WRN: variants seen among roughly 807,000 people sequenced by gnomAD.
WRN encodes WRN RecQ like helicase.
WRN carries 149 observed loss-of-function variants against 180.7 expected under a neutral mutation model. The observed-to-expected ratio is 0.82, with a 90% CI of 0.72 to 0.94. The LOEUF is 0.94. Among genes scored for constraint, WRN ranks in the 40% least tolerant of loss-of-function variants. The pLI is 0.00. For synonymous variants in WRN, 548 were observed against 568.9 expected, an observed-to-expected ratio of 0.96 and a Z score of 0.52; for missense variants, 1,661 against 1,700.1, an observed-to-expected ratio of 0.98 and a Z score of 0.40.
intron 23 of WRN, among the ~76,000 whole-genome samples, chr8:31,127,899 C>T (rs1331802074): frequency 6.6e-6 from 1 of 151,992 alleles, no homozygotes; most frequent in East Asian, 1.9e-4. Context: ...CACTACACTC[C>T]AGGCTGGGCA....
At chr8:31,150,569 C>A in intron 31 of WRN, 114 bp downstream of exon 31, 1 of 844,212 alleles carries the variant, frequency 1.2e-6, no homozygotes, top group Non-Finnish European at 2.0e-6. Flanking sequence ...CCATACTGGA[C>A]ACTTAGAAAA....
intron 7 of WRN, among the ~76,000 whole-genome samples, chr8:31,069,901 T>TA (rs1207307153): frequency 6.6e-6 from 1 of 152,182 alleles, no homozygotes; most frequent in African/African-American, 2.4e-5. Context: ...ACAATTTTGT[T>TA]ACATGTGCAA....
intron 1 of WRN, among the ~76,000 whole-genome samples, 155 bp downstream of exon 1, chr8:31,034,128 T>C (rs1811350079): frequency 6.6e-6 from 1 of 152,166 alleles, no homozygotes; most frequent in African/African-American, 2.4e-5. Flanking sequence ...TCCCTTTTCC[T>C]TTCCCCTCTG....
intron 19 of WRN, among the ~76,000 whole-genome samples, chr8:31,115,142 C>T (rs536855572): frequency 6.6e-5 from 10 of 152,218 alleles, no homozygotes; most frequent in Admixed American, 2.0e-4. Flanking sequence ...GTAATCCGCC[C>T]GCCTTGGCAT....
At chr8:31,158,910 T>G (rs544639157) in intron 33 of WRN, among the ~76,000 whole-genome samples, 1 of 152,148 alleles carries the variant, frequency 6.6e-6, no homozygotes, top group Admixed American at 6.6e-5. Flanking sequence ...AATAACCTAT[T>G]TATAAGTTAT....
chr8:31,070,350 G>GT (rs978710601), intron 7 of WRN, among the ~76,000 whole-genome samples: 3 of 151,492 alleles, frequency 2.0e-5, no homozygotes, highest in Non-Finnish European at 4.4e-5. Flanking sequence ...TTATTAGACT[G>GT]TTTTTTTCTT....
chr8:31,095,003 A>G (rs990188189), intron 16 of WRN, among the ~76,000 whole-genome samples: 1 of 152,278 alleles, frequency 6.6e-6, no homozygotes, highest in East Asian at 1.9e-4. Context: ...GCTGGGCTAT[A>G]TGCTAATTTT....
chr8:31,092,332 T>C (rs1199096835), intron 16 of WRN, among the ~76,000 whole-genome samples: 5 of 151,912 alleles, frequency 3.3e-5, no homozygotes, highest in Non-Finnish European at 5.9e-5. Context: ...AATCACACAA[T>C]GACTGGCTGA....
chr8:31,057,518 C>T (rs1005616752), intron 1 of WRN, among the ~76,000 whole-genome samples: 6 of 152,122 alleles, frequency 3.9e-5, no homozygotes, highest in Non-Finnish European at 8.8e-5. Context: ...TTGCAGAGAG[C>T]TGAGATCGTG....
In WRN at chr8:31,039,385, A is replaced by G. The variant is rs145459469; in HGVS notation, c.-77+5412A>G. Among the ~76,000 whole-genome samples, 34 of 151,934 alleles carry G rather than the reference A, an allele frequency of 2.2e-4. No homozygotes were observed. In the East Asian group the frequency reaches 4.8e-3, roughly 22 times the overall value. ...TCAGATTGTTCATTTCTGGTGTATA[A>G]CAACAGCTGATATTTCAACGTTGAT... On this transcript the variant is annotated intron_variant, in intron 1 of 34. Transcript: ENST00000298139.
At chr8:31,084,098 A>G (rs1012349170) in intron 10 of WRN, among the ~76,000 whole-genome samples, 3 of 152,118 alleles carry the variant, frequency 2.0e-5, no homozygotes. Flanking sequence ...TCCTGGGCTC[A>G]AGTGATCCTC....
rs113532342 is a variant in WRN, at chr8:31,143,575, A to G, written c.3335A>G (p.Tyr1112Cys). 125 of 1,594,224 alleles carry G rather than the reference A, an allele frequency of 7.8e-5. No homozygotes were observed. Among genetic ancestry groups the G allele is most frequent in the Non-Finnish European group, 1.0e-4 (120 of 1,163,484 alleles). ...TCTAACTTGGAGAAGTTATATTCTT[A>G]TAAACCATGTGATAAGATTTCTTCT... ...KKSNLEKLYS[Y>C]KPCDKISSGS... The change falls in exon 28 of 35, where the codon TAT becomes TGT. Residue 1112 changes from tyrosine to cysteine, a missense_variant. Coordinates refer to ENST00000298139, the MANE Select transcript of WRN (RefSeq NM_000553.6).
rs1238639050 is a variant in WRN at position 31,135,053 on chromosome 8, A to G, written c.2967+2547A>G. Reference sequence around the variant, plus strand: ...AAAAAAAGTTAAAGTGTTTTTAACAATAGCTGTGGGCTTTTTGTAGTTTCA... The same window carrying G: ...AAAAAAAGTTAAAGTGTTTTTAACAGTAGCTGTGGGCTTTTTGTAGTTTCA... On this transcript the variant is annotated intron_variant, in intron 24 of 34. Transcript: ENST00000298139. Among the ~76,000 whole-genome samples, 4 of 151,920 alleles carry G rather than the reference A, an allele frequency of 2.6e-5. No individual in the cohort carries two copies. In the East Asian group the frequency reaches 5.8e-4, roughly 22 times the overall value.
chr8:31,089,909 A>G (rs1007420169), intron 13 of WRN, among the ~76,000 whole-genome samples: 3 of 151,978 alleles, frequency 2.0e-5, no homozygotes, highest in East Asian at 1.9e-4. Context: ...CTCAGGGTCA[A>G]TCGAGGACAC....
At position 31,058,599 on chromosome 8, in the gene WRN, T is replaced by G; in HGVS notation, c.96+56T>G. 2.6e-6 allele frequency: 4 copies of G among 1,550,490 alleles called. No individual in the cohort carries two copies. In the South Asian group the frequency reaches 4.6e-5, roughly 18 times the overall value. ...GAGAAATTTAATTTATATTTGACTGTGCAAAGAGTCAGTTGTTACTTGTAA... is the reference window on the plus strand; with the variant it reads ...GAGAAATTTAATTTATATTTGACTGGGCAAAGAGTCAGTTGTTACTTGTAA... On this transcript the variant is annotated intron_variant, in intron 2 of 34. Transcript: ENST00000298139.
chr8:31,113,936 A>C (rs56018326), intron 19 of WRN, among the ~76,000 whole-genome samples: 8,668 of 152,236 alleles, frequency 0.057, 881 homozygotes, highest in African/African-American at 0.2. Flanking sequence ...ACTAGGAAAT[A>C]AAGACCAGAC....
In WRN at chr8:31,157,450, T is replaced by G. The variant is rs2130480900; in HGVS notation, c.3902T>G (p.Leu1301Arg). Residue 1301 changes from leucine (L) to arginine (R), a missense_variant, in exon 33 of 35, where the codon CTT becomes CGT. This residue lies in a region of WRN where 1,141 missense variants were observed against 1,149.4 expected (regional missense o/e 0.99). Coordinates refer to ENST00000298139, the MANE Select transcript of WRN (RefSeq NM_000553.6). ...CAAGCGGTGAAAGCTGGCTGCCCCC[T>G]TGATTTGGAGCGAGCAGGCCTGACT... The part of the protein sequence containing the change: ...LSQAVKAGCP[L>R]DLERAGLTPE... 6.2e-7 allele frequency: 1 copy of G among 1,614,108 alleles called. No individual in the cohort carries two copies. The highest frequency in any genetic ancestry group is 8.5e-7 in the Non-Finnish European group (1 of 1,180,020).
rs748066475 is a variant in WRN at position 31,150,336 on chromosome 8, C to T, written c.3573-5C>T. The T allele has an allele frequency of 6.2e-7, 1 of 1,612,136 alleles. No individual in the cohort carries two copies. The highest frequency in any genetic ancestry group is 8.5e-7 in the Non-Finnish European group (1 of 1,178,274). On this transcript the variant is annotated splice_polypyrimidine_tract_variant and splice_region_variant and intron_variant, in intron 30 of 34. Coordinates refer to ENST00000298139, the MANE Select transcript of WRN (RefSeq NM_000553.6). ...TGTTGTTGTTGTTGTTGTTGTTAAA[C>T]ACAGACCAACTACGGTTGAAAACGT...
chr8:31,079,380 A>G (rs1813214600), intron 8 of WRN, among the ~76,000 whole-genome samples: 1 of 152,192 alleles, frequency 6.6e-6, no homozygotes, highest in African/African-American at 2.4e-5. Context: ...TAAATATATA[A>G]ATATTAGAAG....
Sources: allele counts gnomAD v4.1 joint callset (sites outside exome capture counted in the v4.1 genomes callset), GRCh38; gene constraint gnomAD v4.1.1; regional missense constraint gnomAD v4.1.1; transcripts MANE v1.5; gene names NCBI Gene and HGNC (gene_info 2026-07-23, HGNC 2026-07-21).